Variants in CACNA2D1 observed in about 807,000 individuals in gnomAD.
The protein encoded by CACNA2D1 is calcium voltage-gated channel auxiliary subunit alpha2delta 1.
A neutral mutation model predicts 171.5 loss-of-function variants in CACNA2D1; 53 were observed. The observed-to-expected ratio is 0.31, with a 90% CI of 0.25 to 0.39. The LOEUF is 0.39. CACNA2D1 is among the 10% of genes least tolerant of loss of function. The probability of loss-of-function intolerance (pLI) is 1.00; values close to 1 mark genes in which losing one functional copy is unlikely to be tolerated. For missense variants in CACNA2D1, 903 were observed against 1,299.8 expected, an observed-to-expected ratio of 0.69 and a Z score of 4.69; for synonymous variants, 442 against 443.1, an observed-to-expected ratio of 1.00 and a Z score of 0.03.
intron 3 of CACNA2D1, 74 bp from the exon 4 acceptor site, chr7:82,170,683 T>C: frequency 2.3e-6 from 3 of 1,322,520 alleles, no homozygotes; most frequent in Non-Finnish European, 3.3e-6. Context: ...ATGCTTGCGC[T>C]TTCTAATCAA....
chr7:82,439,667 C>A (rs1217639424), intron 1 of CACNA2D1, among the ~76,000 whole-genome samples: 1 of 151,080 alleles, frequency 6.6e-6, no homozygotes, highest in Non-Finnish European at 1.5e-5. Context: ...AATAGCTACA[C>A]ATATAGCTAT....
chr7:82,138,247 C>A (rs1309949243), intron 4 of CACNA2D1, among the ~76,000 whole-genome samples: 1 of 151,784 alleles, frequency 6.6e-6, no homozygotes, highest in Non-Finnish European at 1.5e-5. Context: ...CCAAACAAAC[C>A]AAAAATGATA....
At chr7:82,223,636 T>C (rs144537996) in intron 3 of CACNA2D1, among the ~76,000 whole-genome samples, 2 of 152,328 alleles carry the variant, frequency 1.3e-5, no homozygotes, top group Non-Finnish European at 2.9e-5. Flanking sequence ...GTCAGGCATC[T>C]GGGTCATGTT....
intron 24 of CACNA2D1, 39 bp from the exon 25 acceptor site, chr7:81,974,591 C>CAGGTCATTGCAGTAATCTCTGAA: frequency 9.6e-7 from 1 of 1,041,112 alleles, no homozygotes; most frequent in Non-Finnish European, 1.5e-6. Context: ...ATATTAAAAT[C>CAGGTCATTGCAGTAATCTCTGAA]AAAACTTTAC....
intron 3 of CACNA2D1, among the ~76,000 whole-genome samples, chr7:82,305,451 GA>G (rs1252860542): frequency 6.6e-6 from 1 of 152,118 alleles, no homozygotes; most frequent in Non-Finnish European, 1.5e-5. Flanking sequence ...AAACAATCAA[GA>G]TTGTTCTGGG....
rs1442848879 is a variant in CACNA2D1, at chr7:81,982,601, A to G, written c.1921T>C (p.Phe641Leu). 6.2e-7 allele frequency: 1 copy of G among 1,609,080 alleles called. No homozygotes were observed. Among genetic ancestry groups the G allele is most frequent in the Non-Finnish European group, 8.5e-7 (1 of 1,175,860 alleles). Residue 641 changes from phenylalanine to leucine, a missense_variant, in exon 24 of 39, where the codon TTT (phenylalanine) becomes CTT (leucine). Transcript: ENST00000356860. ...KDSETLKPDNFEESGYTFIAP... is the reference protein window; with the variant it reads ...KDSETLKPDNLEESGYTFIAP... ...ATGAATGTATAGCCAGATTCTTCAAAATTATCTGGCTTCAGGGTTTCCGAA... is the reference window on the plus strand; with the variant it reads ...ATGAATGTATAGCCAGATTCTTCAAGATTATCTGGCTTCAGGGTTTCCGAA...
chr7:81,977,404 T>C (rs1433300057), intron 24 of CACNA2D1, among the ~76,000 whole-genome samples: 1 of 152,026 alleles, frequency 6.6e-6, no homozygotes, highest in Non-Finnish European at 1.5e-5. Context: ...TATAAACCAC[T>C]GGAACAGAAC....
intron 2 of CACNA2D1, among the ~76,000 whole-genome samples, chr7:82,346,996 G>A (rs1293973322): frequency 6.6e-6 from 1 of 152,156 alleles, no homozygotes; most frequent in East Asian, 1.9e-4. Flanking sequence ...TCTTGTGGAT[G>A]AGCATATACA....
intron 3 of CACNA2D1, among the ~76,000 whole-genome samples, chr7:82,298,737 G>A (rs367998328): frequency 1.3e-4 from 20 of 152,130 alleles, no homozygotes; most frequent in African/African-American, 4.6e-4. Context: ...AATGTCTAAT[G>A]AGGCAAGTTT....
At chr7:81,968,372 T>C (rs891997360) in intron 29 of CACNA2D1, among the ~76,000 whole-genome samples, 3 of 151,502 alleles carry the variant, frequency 2.0e-5, no homozygotes, top group African/African-American at 7.3e-5. Context: ...TGCCTATTTT[T>C]CCAAAAAGTC....
chr7:82,114,494 C>T (rs1788801847), intron 6 of CACNA2D1, among the ~76,000 whole-genome samples: 1 of 152,106 alleles, frequency 6.6e-6, no homozygotes, highest in Admixed American at 6.6e-5. Context: ...CCTTTAATCC[C>T]AGCACTTTAG....
intron 24 of CACNA2D1, among the ~76,000 whole-genome samples, chr7:81,978,770 TAC>T (rs369514706): frequency 5.6e-5 from 8 of 144,004 alleles, no homozygotes; most frequent in South Asian, 2.2e-4. Context: ...TATATATATA[TAC>T]ACACACACAC....
intron 3 of CACNA2D1, among the ~76,000 whole-genome samples, chr7:82,221,170 T>A (rs987454649): frequency 6.7e-6 from 1 of 150,222 alleles, no homozygotes; most frequent in African/African-American, 2.4e-5. Context: ...TAAAGCACAG[T>A]GGTCTATCTT....
chr7:82,030,689 T>C (rs1490934602), intron 12 of CACNA2D1, among the ~76,000 whole-genome samples: 1 of 151,862 alleles, frequency 6.6e-6, no homozygotes, highest in Non-Finnish European at 1.5e-5. Context: ...TTACACTTAG[T>C]ACCTATTAAA....
At chr7:82,414,257 T>C (rs1405157446) in intron 1 of CACNA2D1, among the ~76,000 whole-genome samples, 2 of 152,202 alleles carry the variant, frequency 1.3e-5, no homozygotes, top group African/African-American at 2.4e-5. Context: ...CTTCAAAGTA[T>C]TCACATATAC....
chr7:82,103,686 T>C (rs1019595845), intron 6 of CACNA2D1, among the ~76,000 whole-genome samples: 2 of 151,628 alleles, frequency 1.3e-5, no homozygotes, highest in Admixed American at 6.6e-5. Flanking sequence ...CAGATTTTGA[T>C]AGAATGCATA....
At position 81,975,209 on chromosome 7, in the gene CACNA2D1, T is replaced by C. The variant is rs1025873065; in HGVS notation, c.1956-657A>G. Among the ~76,000 whole-genome samples, 4 of 152,274 alleles carry C rather than the reference T, an allele frequency of 2.6e-5. No individual in the cohort carries two copies. The South Asian group carries it at 8.3e-4, about 32-fold the overall frequency. On this transcript the variant is annotated intron_variant, in intron 24 of 38. Transcript: ENST00000356860. ...CTGAGTAAAAGGTATATAGGTTCTC[T>C]CTGTATTATTTCTTGCAACTGCATG...
chr7:82,396,944 T>A (rs1185038074), intron 1 of CACNA2D1, among the ~76,000 whole-genome samples: 1 of 152,202 alleles, frequency 6.6e-6, no homozygotes, highest in Non-Finnish European at 1.5e-5. Flanking sequence ...TAAAGTCCAG[T>A]CACATCTTTC....
intron 6 of CACNA2D1, among the ~76,000 whole-genome samples, chr7:82,113,777 C>T (rs899010207): frequency 6.6e-6 from 1 of 152,120 alleles, no homozygotes; most frequent in African/African-American, 2.4e-5. Context: ...TTAAATTTTC[C>T]AGATCTTGTG....
Sources: gnomAD v4.1 joint callset for allele counts (sites outside exome capture counted in the v4.1 genomes callset) on GRCh38, gnomAD v4.1.1 for gene constraint, MANE v1.5 for transcripts, NCBI Gene and HGNC (gene_info 2026-07-23, HGNC 2026-07-21) for gene names.